The following KHDRBS2 variants were observed in gnomAD, a reference collection of about 807,000 sequenced individuals.
KHDRBS2 encodes the protein KH RNA binding domain containing, signal transduction associated 2.
Under a neutral mutation model 44.3 loss-of-function variants are expected in KHDRBS2, and 26 were observed. The ratio of observed to expected loss-of-function variants is 0.59; its 90% CI spans 0.43 to 0.81. The LOEUF (loss-of-function observed/expected upper bound fraction) is 0.81, where lower values mean the gene tolerates loss of function less well. Among genes scored for constraint, KHDRBS2 ranks in the 40% least tolerant of loss-of-function variants. The pLI is 0.00. For synonymous variants in KHDRBS2, 194 were observed against 151.1 expected, an observed-to-expected ratio of 1.28 and a Z score of -2.08; for missense variants, 476 against 433.1, an observed-to-expected ratio of 1.10 and a Z score of -0.88.
At chr6:61,811,614 T>C (rs1013550438) in intron 6 of KHDRBS2, among the ~76,000 whole-genome samples, 1 of 152,126 alleles carries the variant, frequency 6.6e-6, no homozygotes, top group African/African-American at 2.4e-5. Context: ...CCAACATCTG[T>C]TATTTTTGAC....
At position 62,047,990 on chromosome 6, in the gene KHDRBS2, T is replaced by C. The variant is rs1788085048; in HGVS notation, c.224A>G (p.Asn75Ser). The C allele has an allele frequency of 7.8e-6, 12 of 1,539,290 alleles. No individual in the cohort carries two copies. The highest frequency in any genetic ancestry group is 1.1e-5 in the Non-Finnish European group (12 of 1,112,620). ...TGGTCCAAGCAATTTCCCCACAAAA[T>C]TGAACTAGGAAACAAAATCAATAGA... is the stretch of plus-strand genomic sequence containing the variant. ...LIPVKQYPKF[N>S]FVGKLLGPRG... Residue 75 changes from asparagine (N) to serine (S), a missense_variant, in exon 3 of 9, where the codon AAT (asparagine) becomes AGT (serine). Asn to Ser is a conservative substitution (Grantham distance 46). Coordinates refer to ENST00000281156, the MANE Select transcript of KHDRBS2 (RefSeq NM_152688.4).
chr6:61,832,268 G>T (rs1272431030), intron 6 of KHDRBS2, among the ~76,000 whole-genome samples: 3 of 152,058 alleles, frequency 2.0e-5, no homozygotes, highest in East Asian at 3.9e-4. Flanking sequence ...GTATTGAATG[G>T]TCTAAATTAT....
At chr6:61,637,036 A>G in the KHDRBS2 span, among the ~76,000 whole-genome samples, 19 of 151,884 alleles carry the variant, frequency 1.3e-4, no homozygotes, top group East Asian at 3.1e-3. Context: ...TTCTTTTTTT[A>G]TTTATTATTA....
chr6:62,094,147 A>T (rs1302073712), intron 2 of KHDRBS2, among the ~76,000 whole-genome samples: 1 of 151,830 alleles, frequency 6.6e-6, no homozygotes, highest in East Asian at 1.9e-4. Context: ...TACAACTCCA[A>T]TTCCACCAGT....
the KHDRBS2 span, among the ~76,000 whole-genome samples, chr6:61,551,212 T>C: frequency 6.6e-6 from 1 of 152,198 alleles, no homozygotes; most frequent in Non-Finnish European, 1.5e-5. Context: ...TCAATGGGGT[T>C]GATTGTTTTT....
At chr6:61,706,313 A>G (rs1425369643) in intron 7 of KHDRBS2, among the ~76,000 whole-genome samples, 1 of 151,826 alleles carries the variant, frequency 6.6e-6, no homozygotes, top group Non-Finnish European at 1.5e-5. Flanking sequence ...ACTCTTCCAC[A>G]ACTTCAATAA....
At chr6:61,611,911 A>G in the KHDRBS2 span, among the ~76,000 whole-genome samples, 1 of 152,186 alleles carries the variant, frequency 6.6e-6, no homozygotes, top group African/African-American at 2.4e-5. Flanking sequence ...GCTCCCAATT[A>G]TAAGTGAGAA....
chr6:61,607,569 C>G, the KHDRBS2 span, among the ~76,000 whole-genome samples: 1 of 99,206 alleles, frequency 1.0e-5, no homozygotes, highest in African/African-American at 3.7e-5. Flanking sequence ...TTCTGTACAA[C>G]TCTTTGCCAA....
intron 6 of KHDRBS2, among the ~76,000 whole-genome samples, chr6:61,891,972 CA>C (rs1801924088): frequency 6.6e-6 from 1 of 152,172 alleles, no homozygotes; most frequent in South Asian, 2.1e-4. Flanking sequence ...TCCCTGTTTG[CA>C]GATGACATGA....
At chr6:61,638,082 CA>C in the KHDRBS2 span, among the ~76,000 whole-genome samples, 1 of 151,850 alleles carries the variant, frequency 6.6e-6, no homozygotes, top group African/African-American at 2.4e-5. Context: ...CATTACTGCC[CA>C]AGGTAATTTA....
At chr6:62,037,711 GC>G (rs1785595291) in intron 3 of KHDRBS2, among the ~76,000 whole-genome samples, 1 of 151,812 alleles carries the variant, frequency 6.6e-6, no homozygotes, top group African/African-American at 2.4e-5. Flanking sequence ...CTATAGTGAT[GC>G]TAAAATTGTA....
intron 2 of KHDRBS2, among the ~76,000 whole-genome samples, chr6:62,058,893 T>C (rs1369164808): frequency 6.6e-6 from 1 of 151,826 alleles, no homozygotes; most frequent in Non-Finnish European, 1.5e-5. Context: ...ACCACAAATA[T>C]AATTTATTCA....
At chr6:61,633,706 CAT>C in the KHDRBS2 span, among the ~76,000 whole-genome samples, 6 of 152,022 alleles carry the variant, frequency 3.9e-5, no homozygotes, top group South Asian at 2.1e-4. Context: ...TGTATCCACA[CAT>C]GTTTGCCAAA....
the KHDRBS2 span, among the ~76,000 whole-genome samples, chr6:61,606,507 T>C: frequency 7.9e-5 from 12 of 152,272 alleles, no homozygotes; most frequent in South Asian, 2.5e-3. Flanking sequence ...TGCAGAAGTG[T>C]GCGTGGAAGT....
chr6:62,156,970 C>A (rs1816575546), intron 2 of KHDRBS2, among the ~76,000 whole-genome samples: 2 of 150,880 alleles, frequency 1.3e-5, no homozygotes, highest in South Asian at 4.2e-4. Context: ...CAGGCGTGAG[C>A]CACTGCGCCC....
chr6:61,562,514 T>C, the KHDRBS2 span, among the ~76,000 whole-genome samples: 1 of 152,174 alleles, frequency 6.6e-6, no homozygotes, highest in African/African-American at 2.4e-5. Context: ...GAGTTTTTAC[T>C]CTTTAAAACT....
At chr6:62,236,629 T>C (rs1833755204) in intron 1 of KHDRBS2, among the ~76,000 whole-genome samples, 1 of 152,084 alleles carries the variant, frequency 6.6e-6, no homozygotes, top group Non-Finnish European at 1.5e-5. Context: ...TTTTGTTCTC[T>C]GTGCCTCAGT....
chr6:62,112,592 T>C (rs1206934674), intron 2 of KHDRBS2, among the ~76,000 whole-genome samples: 2 of 152,050 alleles, frequency 1.3e-5, no homozygotes, highest in Non-Finnish European at 2.9e-5. Context: ...GGTAATAAAG[T>C]CAACTACATA....
chr6:62,162,536 T>C (rs1277291366), intron 2 of KHDRBS2, among the ~76,000 whole-genome samples: 4 of 152,104 alleles, frequency 2.6e-5, no homozygotes, highest in African/African-American at 9.7e-5. Flanking sequence ...GGTTGGGAGA[T>C]GGATAGCTAC....
Sources: allele counts gnomAD v4.1 joint callset (sites outside exome capture counted in the v4.1 genomes callset), GRCh38; gene constraint gnomAD v4.1.1; transcripts MANE v1.5; gene names NCBI Gene and HGNC (gene_info 2026-07-23, HGNC 2026-07-21).